TBC1D5: variants seen among roughly 807,000 people sequenced by gnomAD.
The protein encoded by TBC1D5 is TBC1 domain family, member 5.
TBC1D5 carries 75 observed loss-of-function variants against 100.3 expected under a neutral mutation model. The observed-to-expected ratio is 0.75, with a 90% confidence interval of 0.62 to 0.91. The LOEUF (loss-of-function observed/expected upper bound fraction) is 0.91, where lower values mean the gene tolerates loss of function less well. TBC1D5 is among the 40% of genes least tolerant of loss of function. The pLI, the probability that TBC1D5 is intolerant of heterozygous loss-of-function variation, is 0.00. For missense variants in TBC1D5, 910 were observed against 942.4 expected, an observed-to-expected ratio of 0.97 and a Z score of 0.45; for synonymous variants, 323 against 325.6, an observed-to-expected ratio of 0.99 and a Z score of 0.09.
intron 14 of TBC1D5, among the ~76,000 whole-genome samples, chr3:17,299,023 A>C (rs562515233): frequency 1.3e-5 from 2 of 152,342 alleles, no homozygotes; most frequent in South Asian, 2.1e-4. Context: ...GCAATTTATA[A>C]ATTATGGTAA....
chr3:17,704,864 C>T (rs1442878107), intron 1 of TBC1D5, among the ~76,000 whole-genome samples: 1 of 107,252 alleles, frequency 9.3e-6, no homozygotes, highest in Non-Finnish European at 1.9e-5. Context: ...GGCGGCTGGC[C>T]GGGCGGGGGG....
intron 17 of TBC1D5, among the ~76,000 whole-genome samples, chr3:17,226,253 T>C (rs1166293149): frequency 6.6e-6 from 1 of 151,144 alleles, no homozygotes; most frequent in Non-Finnish European, 1.5e-5. Flanking sequence ...GGGGTCAGTA[T>C]TCTCAGCAAG....
At chr3:17,508,108 G>A (rs1423121032) in intron 3 of TBC1D5, among the ~76,000 whole-genome samples, 1 of 151,362 alleles carries the variant, frequency 6.6e-6, no homozygotes, top group Non-Finnish European at 1.5e-5. Context: ...TCAATCTGCT[G>A]AAAGGGGAAA....
chr3:17,468,476 C>G (rs950605360), intron 3 of TBC1D5, among the ~76,000 whole-genome samples: 4 of 152,014 alleles, frequency 2.6e-5, no homozygotes, highest in Non-Finnish European at 4.4e-5. Flanking sequence ...TGCAATATTG[C>G]AATATTCGTT....
intron 1 of TBC1D5, among the ~76,000 whole-genome samples, chr3:17,723,417 C>T (rs1007628043): frequency 2.6e-5 from 4 of 152,090 alleles, no homozygotes; most frequent in Admixed American, 2.6e-4. Context: ...CAAAAGATTT[C>T]CTACAAAAAT....
intron 2 of TBC1D5, among the ~76,000 whole-genome samples, chr3:17,599,557 G>A (rs746670470): frequency 1.1e-4 from 16 of 152,034 alleles, no homozygotes; most frequent in East Asian, 1.9e-4. Flanking sequence ...CCTGGATGCC[G>A]AACAAGAACC....
chr3:17,339,648 C>T (rs935367504), intron 13 of TBC1D5, among the ~76,000 whole-genome samples: 2 of 152,158 alleles, frequency 1.3e-5, no homozygotes, highest in East Asian at 3.8e-4. Context: ...TCTATAAATA[C>T]AGCATTAGAA....
intron 21 of TBC1D5, among the ~76,000 whole-genome samples, chr3:17,162,780 G>C (rs2066197910): frequency 6.6e-6 from 1 of 152,150 alleles, no homozygotes; most frequent in African/African-American, 2.4e-5. Context: ...AGGTGCACCT[G>C]GTCAGAGCCA....
In TBC1D5 at chr3:17,371,983, G is replaced by A. The variant is rs2092481941; in HGVS notation, c.995+92C>T. On this transcript the variant is annotated intron_variant, in intron 13 of 21. Transcript: ENST00000253692. ...GCCCAGGGGGCAGAGTTTGCAGTAA[G>A]CCAAGATCATGCCACTGCACTCTAG... The A allele has an allele frequency of 2.8e-5, 36 of 1,277,914 alleles. No homozygotes were observed. In the South Asian group the frequency reaches 6.4e-4, roughly 23 times the overall value. 79.2% of individuals were successfully genotyped at this position (1,277,914 alleles called of 1,614,324 possible).
chr3:17,597,915 C>T (rs2153581966), intron 2 of TBC1D5, among the ~76,000 whole-genome samples: 1 of 152,282 alleles, frequency 6.6e-6, no homozygotes, highest in South Asian at 2.1e-4. Flanking sequence ...AACCTCTCTT[C>T]TATATATCCT....
chr3:17,589,165 C>T (rs1264397241), intron 2 of TBC1D5, among the ~76,000 whole-genome samples: 2 of 152,164 alleles, frequency 1.3e-5, no homozygotes, highest in Non-Finnish European at 2.9e-5. Flanking sequence ...TTGGGTAATT[C>T]AAAATACTAC....
At chr3:17,302,464 T>C (rs2082951158) in intron 14 of TBC1D5, among the ~76,000 whole-genome samples, 1 of 151,936 alleles carries the variant, frequency 6.6e-6, no homozygotes, top group African/African-American at 2.4e-5. Context: ...GACTTCAATA[T>C]ATCTTTTGTT....
intron 19 of TBC1D5, among the ~76,000 whole-genome samples, chr3:17,181,588 C>T (rs906541837): frequency 3.9e-5 from 6 of 152,170 alleles, no homozygotes; most frequent in South Asian, 2.1e-4. Flanking sequence ...TGTTTGATGC[C>T]TCATGAGGTT....
At chr3:17,395,650 CT>C (rs1023224498) in intron 8 of TBC1D5, among the ~76,000 whole-genome samples, 14 of 152,088 alleles carry the variant, frequency 9.2e-5, no homozygotes, top group Admixed American at 3.3e-4. Flanking sequence ...CAAAGAAAAT[CT>C]GAAAAGCAAA....
chr3:17,275,088 G>C (rs549968452), intron 15 of TBC1D5, among the ~76,000 whole-genome samples: 2 of 138,340 alleles, frequency 1.4e-5, no homozygotes, highest in East Asian at 3.9e-4. Flanking sequence ...CTAACAAGGT[G>C]AGTGAGGGGA....
intron 1 of TBC1D5, among the ~76,000 whole-genome samples, chr3:17,723,708 T>C (rs961699186): frequency 6.6e-6 from 1 of 152,090 alleles, no homozygotes; most frequent in Non-Finnish European, 1.5e-5. Context: ...CCTACAAATA[T>C]CAAAATTAAT....
chr3:17,565,477 C>T (rs1328044248), intron 2 of TBC1D5, among the ~76,000 whole-genome samples: 3 of 152,020 alleles, frequency 2.0e-5, no homozygotes, highest in African/African-American at 7.2e-5. Flanking sequence ...ACATGGCTGG[C>T]TATTGAAATA....
chr3:17,458,304 A>C (rs567353742), intron 3 of TBC1D5, among the ~76,000 whole-genome samples: 2 of 152,298 alleles, frequency 1.3e-5, no homozygotes, highest in Admixed American at 1.3e-4. Flanking sequence ...TCAGTACTTA[A>C]GGGGAATGGT....
At position 17,478,555 on chromosome 3, in the gene TBC1D5, T is replaced by C. The variant is rs572843106; in HGVS notation, c.97+29919A>G. 2.6e-4 allele frequency among the ~76,000 whole-genome samples: 40 copies of C among 152,350 alleles called. 1 individual carries two copies. Among genetic ancestry groups the C allele is most frequent in the African/African-American group, 9.4e-4 (39 of 41,582 alleles). On this transcript the variant is annotated intron_variant, in intron 3 of 21. Transcript: ENST00000253692. ...TGTATTCCTAAATATTTAGTTCTTT[T>C]AATGCTATCATGAATAGAATTTTTG...
Sources: allele counts gnomAD v4.1 joint callset (sites outside exome capture counted in the v4.1 genomes callset), GRCh38; gene constraint gnomAD v4.1.1; transcripts MANE v1.5; gene names NCBI Gene and HGNC (gene_info 2026-07-23, HGNC 2026-07-21).